SAP130: variants seen among roughly 807,000 people sequenced by gnomAD.
SAP130 encodes Sin3A associated protein 130.
Under a neutral mutation model 103.2 loss-of-function variants are expected in SAP130, and 16 were observed. That is an observed-to-expected ratio of 0.16 (90% CI 0.10 to 0.24). The LOEUF (loss-of-function observed/expected upper bound fraction) is 0.24, where lower values mean the gene tolerates loss of function less well. Among genes scored for constraint, SAP130 ranks in the 10% least tolerant of loss-of-function variants. The pLI, the probability that SAP130 is intolerant of heterozygous loss-of-function variation, is 1.00. For synonymous variants in SAP130, 477 were observed against 497.0 expected, an observed-to-expected ratio of 0.96 and a Z score of 0.53; for missense variants, 990 against 1,359.7, an observed-to-expected ratio of 0.73 and a Z score of 4.28.
intron 15 of SAP130, among the ~76,000 whole-genome samples, chr2:127,958,718 G>A (rs1217041162): frequency 6.6e-6 from 1 of 151,112 alleles, no homozygotes; most frequent in Non-Finnish European, 1.5e-5. Flanking sequence ...CTGGTGTGCA[G>A]TGGCATGATC....
At chr2:127,952,883 T>C (rs1278244603) in intron 16 of SAP130, among the ~76,000 whole-genome samples, 1 of 152,174 alleles carries the variant, frequency 6.6e-6, no homozygotes, top group African/African-American at 2.4e-5. Flanking sequence ...TAAGACTAGA[T>C]CATGGACTGC....
rs61211577 is a variant in SAP130, at chr2:128,003,957, C to CTTTTTTTTTTTTT, written c.870-3516_870-3504dup. 3.7e-3 allele frequency among the ~76,000 whole-genome samples: 254 copies of CTTTTTTTTTTTTT among 67,920 alleles called. 30 individuals are homozygous for CTTTTTTTTTTTTT. The highest frequency in any genetic ancestry group is 9.1e-3 in the South Asian group (9 of 988). The allele number at this position is 67,920 out of a possible 152,430, so 44.6% of individuals were successfully genotyped here. A position where few individuals can be genotyped will look rare whatever the true frequency, so the allele number is the denominator to read the frequency against. ...ACTGTGTAGTTCTCCCACAGATCAG[C>CTTTTTTTTTTTTT]TTTTTTTTTTTTTTTTTTTTTTTTT... On this transcript the variant is annotated intron_variant, in intron 7 of 20. Transcript: ENST00000643581.
At chr2:127,944,362 T>A in intron 19 of SAP130, among the ~76,000 whole-genome samples, 1 of 152,120 alleles carries the variant, frequency 6.6e-6, no homozygotes, top group Non-Finnish European at 1.5e-5. Flanking sequence ...AAAAAAATTT[T>A]AACTTTTTAT....
chr2:127,968,254 C>T (rs961703350), intron 15 of SAP130, among the ~76,000 whole-genome samples: 6 of 151,552 alleles, frequency 4.0e-5, no homozygotes, highest in African/African-American at 1.5e-4. Flanking sequence ...GGATTACAGG[C>T]GGCCCCCACC....
chr2:127,977,866 G>C (rs1268627446), intron 15 of SAP130, 119 bp downstream of exon 15: 1 of 751,714 alleles, frequency 1.3e-6, no homozygotes, highest in Non-Finnish European at 2.2e-6. Flanking sequence ...AATAGCCACT[G>C]CACTCCAGCC....
At chr2:128,017,980 C>T in intron 2 of SAP130, 65 bp from the exon 3 acceptor site, 1 of 1,306,188 alleles carries the variant, frequency 7.7e-7, no homozygotes, top group South Asian at 1.3e-5. Flanking sequence ...GCAGCACAGA[C>T]AAGAGTGGTA....
Position 127,966,216 on chromosome 2 carries a change from G to A in SAP130, c.2064-10872C>T, listed in dbSNP as rs575280267. On this transcript the variant is annotated intron_variant, in intron 15 of 20. Coordinates refer to ENST00000643581, the MANE Select transcript of SAP130 (RefSeq NM_001330301.2). ...AAATAAGCCAGGCATGGTGGCGTGC[G>A]CCTGTAATCCCAGCTACTCAGGAGG... 3.9e-5 allele frequency among the ~76,000 whole-genome samples: 6 copies of A among 151,968 alleles called. No homozygotes were observed. The East Asian group carries it at 7.8e-4, about 20-fold the overall frequency.
intron 18 of SAP130, 67 bp from the exon 19 acceptor site, chr2:127,945,626 G>T: frequency 3.0e-6 from 3 of 997,948 alleles, no homozygotes; most frequent in Non-Finnish European, 4.8e-6. Context: ...TTGTGTTCGA[G>T]CAGTGTAAAT....
intron 14 of SAP130, among the ~76,000 whole-genome samples, chr2:127,982,438 G>A (rs775600031): frequency 9.9e-5 from 15 of 152,174 alleles, no homozygotes; most frequent in Admixed American, 2.0e-4. Flanking sequence ...TACTGCCACC[G>A]TAAGTATTAT....
intron 9 of SAP130, 25 bp from the exon 10 acceptor site, chr2:127,999,870 T>C (rs1167533478): frequency 6.7e-7 from 1 of 1,495,652 alleles, no homozygotes; most frequent in African/African-American, 1.4e-5. Context: ...AAAAGGAAAT[T>C]CTTTAACAAG....
intron 7 of SAP130, among the ~76,000 whole-genome samples, chr2:128,008,677 C>T (rs923121180): frequency 4.0e-5 from 6 of 151,194 alleles, no homozygotes; most frequent in African/African-American, 1.5e-4. Flanking sequence ...AGCCTAAATC[C>T]TTTTCCTGTT....
At chr2:127,962,546 C>A (rs1394386293) in intron 15 of SAP130, among the ~76,000 whole-genome samples, 1 of 152,090 alleles carries the variant, frequency 6.6e-6, no homozygotes, top group African/African-American at 2.4e-5. Flanking sequence ...TACTATGCAG[C>A]CATAAAAAAT....
In SAP130 at chr2:127,989,210, C is replaced by A. The variant is rs1267223645; in HGVS notation, c.1780+354G>T. 1.3e-5 allele frequency among the ~76,000 whole-genome samples: 2 copies of A among 151,664 alleles called. No individual in the cohort carries two copies. The highest frequency in any genetic ancestry group is 3.9e-4 in the East Asian group (2 of 5,118). ...ACATCCCCAGTTCACGCCATTCTCT[C>A]GCCTCAGCCTCCCGAGTAGCTAGGA... On this transcript the variant is annotated intron_variant, in intron 13 of 20. Coordinates refer to ENST00000643581, the MANE Select transcript of SAP130 (RefSeq NM_001330301.2). This position sits in a 1 kb window ranked among gnomAD's most constrained non-coding sequence, Gnocchi z 4.6.
intron 12 of SAP130, 40 bp downstream of exon 12, chr2:127,993,147 G>C (rs1682929403): frequency 6.2e-7 from 1 of 1,609,358 alleles, no homozygotes. Context: ...GTTGGCAAAA[G>C]TTAAACTGTG....
At chr2:127,959,998 C>A (rs951903548) in intron 15 of SAP130, among the ~76,000 whole-genome samples, 4 of 152,188 alleles carry the variant, frequency 2.6e-5, no homozygotes, top group African/African-American at 7.2e-5. Flanking sequence ...TCAAATGATC[C>A]TCCCTCCTCA....
intron 15 of SAP130, among the ~76,000 whole-genome samples, chr2:127,960,549 AAAAATTACATTTACTTATATTGACAGCT>A (rs1680167823): frequency 6.6e-6 from 1 of 152,258 alleles, no homozygotes; most frequent in Admixed American, 6.5e-5. Flanking sequence ...CATAACTTAA[AAAAATTACATTTACTTATATTGACAGCT>A]ATTGGATTTC....
chr2:128,001,858 A>C (rs1167013341), intron 7 of SAP130, among the ~76,000 whole-genome samples: 1 of 152,216 alleles, frequency 6.6e-6, no homozygotes, highest in Non-Finnish European at 1.5e-5. Flanking sequence ...AAAAAAACCA[A>C]AACAAAACTG....
intron 2 of SAP130, among the ~76,000 whole-genome samples, chr2:128,025,756 T>A (rs1207743562): frequency 6.6e-6 from 1 of 152,156 alleles, no homozygotes; most frequent in African/African-American, 2.4e-5. Context: ...GTATCTAAGG[T>A]GGGTCCTGGA....
chr2:127,999,493 A>C (rs565612525), intron 10 of SAP130, among the ~76,000 whole-genome samples: 1 of 152,186 alleles, frequency 6.6e-6, no homozygotes, highest in Admixed American at 6.5e-5. Flanking sequence ...AGTCTCAGCT[A>C]CTTGGGAGGC....
Sources: gnomAD v4.1 joint callset for allele counts (sites outside exome capture counted in the v4.1 genomes callset) on GRCh38, gnomAD v4.1.1 for gene constraint, Gnocchi (gnomAD v3.1) non-coding constraint, MANE v1.5 for transcripts, NCBI Gene and HGNC (gene_info 2026-07-23, HGNC 2026-07-21) for gene names.